Variants in FBXO30 observed in about 807,000 individuals in gnomAD.
FBXO30 encodes F-box only protein 30.
Under a neutral mutation model 58.1 loss-of-function variants are expected in FBXO30, and 21 were observed. That is an observed-to-expected ratio of 0.36 (90% CI 0.26 to 0.52). The LOEUF (loss-of-function observed/expected upper bound fraction) is 0.52, where lower values mean the gene tolerates loss of function less well. FBXO30 is among the 20% of genes least tolerant of loss of function. The probability of loss-of-function intolerance (pLI) is 0.93; values close to 1 mark genes in which losing one functional copy is unlikely to be tolerated. For missense variants in FBXO30, 744 were observed against 897.3 expected (o/e 0.83, Z 2.18); for synonymous variants, 309 against 312.4 (o/e 0.99, Z 0.11).
rs1217801506 is a variant in FBXO30 at position 145,796,038 on chromosome 6, ATC to A, written c.*4066_*4067del. 3.9e-5 allele frequency: 6 copies of A among 151,932 alleles called. No homozygotes were observed. Among genetic ancestry groups the A allele is most frequent in the African/African-American group, 1.4e-4 (6 of 41,416 alleles). The allele number at this position is 151,932 out of a possible 1,614,324, so 9.4% of individuals were successfully genotyped here. On this transcript the variant is annotated 3_prime_UTR_variant, in exon 3 of 3. Transcript: ENST00000237281. The stretch of plus-strand genomic sequence containing the variant: ...TTTCCAAATTTCCTTACATCTAAAC[ATC>A]TCTTTTCTTCCTGCATTCGTAAAGT...
At position 145,800,103 on chromosome 6, in the gene FBXO30, CT is replaced by C. The variant is rs1208010429; in HGVS notation, c.*2del. 1 of 1,608,646 alleles carries C rather than the reference CT, an allele frequency of 6.2e-7. No individual in the cohort carries two copies. The highest frequency in any genetic ancestry group is 8.5e-7 in the Non-Finnish European group (1 of 1,175,802). ...CATATATGTGCTAGTAATATTACAA[CT>C]TTTAAAGTACAGGTTTTAAAACTGA... On this transcript the variant is annotated 3_prime_UTR_variant, in exon 3 of 3. Transcript: ENST00000237281.
Position 145,804,527 on chromosome 6 carries a change from A to C in FBXO30, c.1879T>G (p.Phe627Val). 6.2e-7 allele frequency: 1 copy of C among 1,613,790 alleles called. No homozygotes were observed. The highest frequency in any genetic ancestry group is 1.1e-5 in the South Asian group (1 of 91,064). The change falls in exon 2 of 3, where the codon TTT (phenylalanine) becomes GTT (valine). Residue 627 changes from phenylalanine (F) to valine (V), a missense_variant. By Grantham distance (50) the Phe-to-Val change is conservative. Coordinates refer to ENST00000237281, the MANE Select transcript of FBXO30 (RefSeq NM_032145.5). ...PFEVLQHIAG[F>V]LDGFSLCQLS... ...TGACATAAGCTGAAGCCATCGAGAAAGCCTGCAATATGCTGCAGGACCTCA... is the reference window on the plus strand; with the variant it reads ...TGACATAAGCTGAAGCCATCGAGAACGCCTGCAATATGCTGCAGGACCTCA...
chr6:145,804,653 T>C lies in FBXO30; in HGVS notation c.1753A>G (p.Arg585Gly). The C allele has an allele frequency of 6.2e-7, 1 of 1,613,854 alleles. No homozygotes were observed. The highest frequency in any genetic ancestry group is 1.1e-5 in the South Asian group (1 of 91,076). The part of the protein sequence containing the change: ...GAKIIHDRHL[R>G]SFGVQPCVST... ...ACACATGGCTGAACTCCAAATGACC[T>C]CAAATGGCGGTCATGTATAATCTTT... The change falls in exon 2 of 3, where the codon AGG becomes GGG. Residue 585 changes from arginine to glycine, a missense_variant. Around this residue, in one of 3 missense-constraint regions of FBXO30, gnomAD observed 334 missense variants for 433.7 expected, o/e 0.77. Coordinates refer to ENST00000237281, the MANE Select transcript of FBXO30 (RefSeq NM_032145.5).
intron 1 of FBXO30, among the ~76,000 whole-genome samples, chr6:145,812,195 T>C (rs1407790154): frequency 6.6e-6 from 1 of 152,182 alleles, no homozygotes; most frequent in East Asian, 1.9e-4. Flanking sequence ...TGGACTTTTT[T>C]CATGTTTTAT....
chr6:145,812,831 A>G (rs992993381), intron 1 of FBXO30, among the ~76,000 whole-genome samples: 1 of 152,184 alleles, frequency 6.6e-6, no homozygotes, highest in African/African-American at 2.4e-5. Context: ...AACTTGTCTA[A>G]GGCCAATCTC....
intron 2 of FBXO30, among the ~76,000 whole-genome samples, chr6:145,801,210 T>G (rs1015432099): frequency 3.9e-5 from 6 of 152,150 alleles, no homozygotes; most frequent in African/African-American, 1.4e-4. Flanking sequence ...GGCCTAGCCA[T>G]GCCTGCTAAG....
intron 2 of FBXO30, among the ~76,000 whole-genome samples, chr6:145,803,989 T>C (rs1177454998): frequency 6.6e-6 from 1 of 152,102 alleles, no homozygotes; most frequent in East Asian, 1.9e-4. Context: ...GGAGAGACAA[T>C]TACAAGCAGG....
chr6:145,806,178 A>G lies in FBXO30; in HGVS notation c.228T>C (p.Val76=). 1 of 1,614,128 alleles carries G rather than the reference A, an allele frequency of 6.2e-7. No individual in the cohort carries two copies. The highest frequency in any genetic ancestry group is 8.5e-7 in the Non-Finnish European group (1 of 1,179,998). ...CAGGACACATTTCTAGATGTTCAGC[A>G]ACTTTATTTCGGGCCATGGTAAATG... The part of the protein sequence containing the change: ...GCPFTMARNK[V]AEHLEMCPAS... Residue 76 remains valine (V), a synonymous_variant, in exon 2 of 3, where the codon GTT becomes GTC. Transcript: ENST00000237281.
intron 1 of FBXO30, among the ~76,000 whole-genome samples, chr6:145,808,184 AC>A (rs1778233331): frequency 6.6e-6 from 1 of 150,400 alleles, no homozygotes; most frequent in Admixed American, 6.6e-5. Context: ...CCCCTTTACC[AC>A]CATTTTTTTT....
In FBXO30 at chr6:145,796,513, T is replaced by C. The variant is rs1777869017; in HGVS notation, c.*3593A>G. ...TCAAACACCTATCAGAGAAATTCTT[T>C]CCATCAAAAGTCTGTCCAGAGAATG... On this transcript the variant is annotated 3_prime_UTR_variant, in exon 3 of 3. Coordinates refer to ENST00000237281, the MANE Select transcript of FBXO30 (RefSeq NM_032145.5). 1 of 152,024 alleles carries C rather than the reference T, an allele frequency of 6.6e-6. No homozygotes were observed. Among genetic ancestry groups the C allele is most frequent in the Non-Finnish European group, 1.5e-5 (1 of 67,928 alleles). The allele number at this position is 152,024 out of a possible 1,614,324, so 9.4% of individuals were successfully genotyped here.
intron 2 of FBXO30, among the ~76,000 whole-genome samples, chr6:145,801,001 T>G (rs12200607): frequency 0.068 from 10,271 of 152,108 alleles, 457 homozygotes; most frequent in South Asian, 0.11. Flanking sequence ...TGTCTGTAGG[T>G]AAAAATATTA....
chr6:145,814,667 G>A lies in FBXO30; in HGVS notation c.-81C>T, dbSNP rs140230148. The stretch of plus-strand genomic sequence containing the variant: ...CCTGGACGCCGTGCCCAGCTGCTCC[G>A]CTCTGTCCCGGCGACGCTCCGTACC... On this transcript the variant is annotated 5_prime_UTR_variant, in exon 1 of 3. Coordinates refer to ENST00000237281, the MANE Select transcript of FBXO30 (RefSeq NM_032145.5). 364 of 152,246 alleles carry A rather than the reference G, an allele frequency of 2.4e-3. 1 individual carries two copies. Among genetic ancestry groups the A allele is most frequent in the Non-Finnish European group, 4.3e-3 (295 of 68,202 alleles). The allele number at this position is 152,246 out of a possible 1,614,324, so 9.4% of individuals were successfully genotyped here.
chr6:145,805,566 A>G lies in FBXO30; in HGVS notation c.840T>C (p.Thr280=). The change falls in exon 2 of 3, where the codon ACT becomes ACC. Residue 280 remains threonine, a synonymous_variant. Coordinates refer to ENST00000237281, the MANE Select transcript of FBXO30 (RefSeq NM_032145.5). ...LCDLNTSSYD[T]SALCNGFPLE... is the part of the protein sequence containing the mutation. ...AAGGAAAGCCATTACAAAGAGCAGA[A>G]GTGTCATAAGAACTTGTATTCAAGT... The G allele has an allele frequency of 6.2e-7, 1 of 1,612,648 alleles. No homozygotes were observed. The highest frequency in any genetic ancestry group is 1.1e-5 in the South Asian group (1 of 90,714).
chr6:145,811,282 A>G (rs759200117), intron 1 of FBXO30, among the ~76,000 whole-genome samples: 18 of 152,326 alleles, frequency 1.2e-4, no homozygotes, highest in Non-Finnish European at 2.4e-4. Flanking sequence ...AAAATACCTT[A>G]CAGATCTGGC....
chr6:145,813,712 C>A (rs1778400019), intron 1 of FBXO30, among the ~76,000 whole-genome samples: 1 of 151,856 alleles, frequency 6.6e-6, no homozygotes, highest in Non-Finnish European at 1.5e-5. Context: ...TTAATCTACA[C>A]CGATATCAGA....
chr6:145,802,109 C>T (rs529492053), intron 2 of FBXO30, among the ~76,000 whole-genome samples: 12 of 152,194 alleles, frequency 7.9e-5, no homozygotes, highest in African/African-American at 2.9e-4. Flanking sequence ...AGTCTAGTGA[C>T]TGAAACTGAC....
At chr6:145,804,264 A>C in intron 2 of FBXO30, 108 bp downstream of exon 2, 1 of 943,514 alleles carries the variant, frequency 1.1e-6, no homozygotes, top group Non-Finnish European at 1.6e-6. Flanking sequence ...TGATTTAGTA[A>C]GTTTTAGGGA....
At chr6:145,812,943 T>C (rs1262991807) in intron 1 of FBXO30, among the ~76,000 whole-genome samples, 1 of 152,202 alleles carries the variant, frequency 6.6e-6, no homozygotes, top group Non-Finnish European at 1.5e-5. Flanking sequence ...TTCCATAATA[T>C]GTACTAACTC....
In FBXO30 at chr6:145,795,342, T is replaced by C. The variant is rs1216381876; in HGVS notation, c.*4764A>G. 1 of 151,868 alleles carries C rather than the reference T, an allele frequency of 6.6e-6. No homozygotes were observed. Among genetic ancestry groups the C allele is most frequent in the Non-Finnish European group, 1.5e-5 (1 of 67,788 alleles). The allele number at this position is 151,868 out of a possible 1,614,324, so 9.4% of individuals were successfully genotyped here. ...AGAGTTCAACACAAATGCAGTTTTG[T>C]TACTTTCAAATACACGAAGAACTAT... On this transcript the variant is annotated 3_prime_UTR_variant, in exon 3 of 3. Coordinates refer to ENST00000237281, the MANE Select transcript of FBXO30 (RefSeq NM_032145.5).
Sources: gnomAD v4.1 joint callset for allele counts (sites outside exome capture counted in the v4.1 genomes callset) on GRCh38, gnomAD v4.1.1 for gene constraint, gnomAD v4.1.1 regional missense constraint, MANE v1.5 for transcripts, NCBI Gene and HGNC (gene_info 2026-07-23, HGNC 2026-07-21) for gene names.